The following ACER2 variants were observed in gnomAD, a reference collection of about 807,000 sequenced individuals.
ACER2 encodes the protein alkaline ceramidase 2.
In ACER2, 26 loss-of-function variants were observed where a neutral mutation model predicts 34.7. The observed-to-expected ratio is 0.75, with a 90% CI of 0.55 to 1.04. The LOEUF (loss-of-function observed/expected upper bound fraction) is 1.04, where lower values mean the gene tolerates loss of function less well. ACER2 is among the 50% of genes least tolerant of loss of function. ACER2 has a pLI of 0.00. For synonymous variants in ACER2, 138 were observed against 132.1 expected (o/e 1.04, Z -0.31); for missense variants, 352 against 340.8 (o/e 1.03, Z -0.26).
At chr9:19,417,370 A>T (rs926718157) in intron 1 of ACER2, among the ~76,000 whole-genome samples, 3 of 152,248 alleles carry the variant, frequency 2.0e-5, no homozygotes, top group Non-Finnish European at 4.4e-5. Context: ...ATTAGAAACA[A>T]CTACTTTAAA....
chr9:19,450,306 ATCCTT>A, intron 5 of ACER2, 139 bp from the exon 6 acceptor site: 1 of 1,316,570 alleles, frequency 7.6e-7, no homozygotes, highest in Non-Finnish European at 9.7e-7. Context: ...GGTAATCTTC[ATCCTT>A]TCCTAATTAG....
intron 5 of ACER2, among the ~76,000 whole-genome samples, chr9:19,449,309 G>A (rs1247324990): frequency 1.3e-5 from 2 of 152,048 alleles, no homozygotes; most frequent in African/African-American, 4.8e-5. Context: ...CTATCAACAC[G>A]AGGCCAATCT....
chr9:19,429,412 A>G (rs1237536350), intron 3 of ACER2, among the ~76,000 whole-genome samples: 1 of 152,060 alleles, frequency 6.6e-6, no homozygotes, highest in African/African-American at 2.4e-5. Flanking sequence ...GCTCACTGCA[A>G]CCTCTGCTTC....
intron 5 of ACER2, among the ~76,000 whole-genome samples, chr9:19,449,864 C>G (rs557082996): frequency 6.8e-6 from 1 of 146,456 alleles, no homozygotes; most frequent in South Asian, 2.1e-4. Flanking sequence ...TGCACTCCAG[C>G]CTGGATGACA....
rs955847850 is a variant in ACER2, at chr9:19,451,920, G to C, written c.*1284G>C. On this transcript the variant is annotated 3_prime_UTR_variant, in exon 6 of 6. Coordinates refer to ENST00000340967, the MANE Select transcript of ACER2 (RefSeq NM_001010887.3). ...CGCTTGCAGTAGAAGGTGCTTTCTCGGTTTCCCAGAGTATCCAACGGCTCA... is the reference window on the plus strand; with the variant it reads ...CGCTTGCAGTAGAAGGTGCTTTCTCCGTTTCCCAGAGTATCCAACGGCTCA... 6 of 149,262 alleles carry C rather than the reference G, an allele frequency of 4.0e-5. No homozygotes were observed. The highest frequency in any genetic ancestry group is 1.5e-4 in the African/African-American group (6 of 40,918). The allele number at this position is 149,262 out of a possible 1,614,324, so 9.2% of individuals were successfully genotyped here. A position where few individuals can be genotyped will look rare whatever the true frequency, so the allele number is the denominator to read the frequency against.
intron 4 of ACER2, among the ~76,000 whole-genome samples, chr9:19,440,709 C>T (rs1262623556): frequency 6.6e-6 from 1 of 152,306 alleles, no homozygotes; most frequent in East Asian, 1.9e-4. Flanking sequence ...TCCCTTTTTA[C>T]GTCCCCCTGA....
intron 1 of ACER2, among the ~76,000 whole-genome samples, chr9:19,419,039 A>G (rs1463850238): frequency 1.3e-5 from 2 of 151,962 alleles, no homozygotes; most frequent in Non-Finnish European, 2.9e-5. Flanking sequence ...AAATAGAAAA[A>G]AATTAGCTGG....
intron 1 of ACER2, among the ~76,000 whole-genome samples, chr9:19,413,743 G>A (rs1830158307): frequency 6.6e-6 from 1 of 152,176 alleles, no homozygotes; most frequent in African/African-American, 2.4e-5. Flanking sequence ...ACAGAAGAAA[G>A]TCAACTGATC....
At position 19,451,773 on chromosome 9, in the gene ACER2, A is replaced by G. The variant is rs187689495; in HGVS notation, c.*1137A>G. 1.3e-5 allele frequency: 2 copies of G among 152,290 alleles called. No homozygotes were observed. The highest frequency in any genetic ancestry group is 4.8e-5 in the African/African-American group (2 of 41,562). 9.4% of individuals were successfully genotyped at this position (152,290 alleles called of 1,614,324 possible). On this transcript the variant is annotated 3_prime_UTR_variant, in exon 6 of 6. Transcript: ENST00000340967. ...TTCTGGTTCAAAATTTGGAGCAAAC[A>G]TGAAGTTTTTGGAAACGTTTTCTCA... is the stretch of plus-strand genomic sequence containing the variant.
chr9:19,420,977 T>C (rs1376542133), intron 1 of ACER2, among the ~76,000 whole-genome samples: 1 of 152,190 alleles, frequency 6.6e-6, no homozygotes, highest in African/African-American at 2.4e-5. Flanking sequence ...TGTCATTCTA[T>C]AACATTATAG....
intron 3 of ACER2, among the ~76,000 whole-genome samples, chr9:19,427,765 C>A (rs1009546131): frequency 6.6e-6 from 1 of 151,960 alleles, no homozygotes; most frequent in Non-Finnish European, 1.5e-5. Context: ...TTCCTATGTT[C>A]ACGCCATTCT....
intron 1 of ACER2, among the ~76,000 whole-genome samples, chr9:19,414,341 T>C (rs188875379): frequency 6.6e-6 from 1 of 152,338 alleles, no homozygotes; most frequent in Admixed American, 6.5e-5. Flanking sequence ...ATGTACAGCC[T>C]GTTGTTTTGT....
chr9:19,442,940 C>G (rs1001787882), intron 4 of ACER2, among the ~76,000 whole-genome samples: 1 of 151,910 alleles, frequency 6.6e-6, no homozygotes, highest in African/African-American at 2.4e-5. Flanking sequence ...TCAAGCGATT[C>G]TCTTACCTCA....
intron 5 of ACER2, among the ~76,000 whole-genome samples, chr9:19,449,137 TAAA>T (rs1253428764): frequency 6.6e-6 from 1 of 152,110 alleles, no homozygotes; most frequent in Non-Finnish European, 1.5e-5. Context: ...CTCCAAAAAA[TAAA>T]AAATAAAACA....
intron 4 of ACER2, among the ~76,000 whole-genome samples, chr9:19,439,344 C>CTTTTTTTTTT (rs55690063): frequency 0.088 from 12,024 of 136,830 alleles, 637 homozygotes; most frequent in South Asian, 0.2. Flanking sequence ...AAGGGGCTTG[C>CTTTTTTTTTT]TTTTTTTTTT....
In ACER2 at chr9:19,416,177, C is replaced by T. The variant is rs77850382; in HGVS notation, c.108+6985C>T. ...TCTCCTCTTTCTTCACTCCCTTGAT[C>T]CGCCTTCATCTGCTCCTTCTCCCCA... On this transcript the variant is annotated intron_variant, in intron 1 of 5. Coordinates refer to ENST00000340967, the MANE Select transcript of ACER2 (RefSeq NM_001010887.3). Among the ~76,000 whole-genome samples, 648 of 152,116 alleles carry T rather than the reference C, an allele frequency of 4.3e-3. 4 individuals carry two copies. Among genetic ancestry groups the T allele is most frequent in the African/African-American group, 0.015 (624 of 41,476 alleles).
At chr9:19,443,099 C>T (rs1231101657) in intron 4 of ACER2, among the ~76,000 whole-genome samples, 2 of 152,184 alleles carry the variant, frequency 1.3e-5, no homozygotes, top group African/African-American at 2.4e-5. Flanking sequence ...GGCGCGATCT[C>T]GGCTCACTGC....
At chr9:19,418,966 C>T in intron 1 of ACER2, among the ~76,000 whole-genome samples, 1 of 152,102 alleles carries the variant, frequency 6.6e-6, no homozygotes, top group Non-Finnish European at 1.5e-5. Context: ...GAGGGTGGAT[C>T]ACCTGAGGTC....
At chr9:19,450,352 C>A (rs1375449712) in intron 5 of ACER2, 98 bp from the exon 6 acceptor site, 2 of 1,391,588 alleles carry the variant, frequency 1.4e-6, no homozygotes, top group Non-Finnish European at 9.4e-7. Context: ...CTACAGTCAG[C>A]AAGGTGCGTG....
Sources: allele counts gnomAD v4.1 joint callset (sites outside exome capture counted in the v4.1 genomes callset), GRCh38; gene constraint gnomAD v4.1.1; transcripts MANE v1.5; gene names NCBI Gene and HGNC (gene_info 2026-07-23, HGNC 2026-07-21).